OR51B5: variants seen among roughly 807,000 people sequenced by gnomAD.
The protein encoded by OR51B5 is olfactory receptor 51B5.
For synonymous variants in OR51B5, 186 were observed against 144.8 expected, an observed-to-expected ratio of 1.28 and a Z score of -2.04; for missense variants, 456 against 374.6, an observed-to-expected ratio of 1.22 and a Z score of -1.79.
intron 1 of OR51B5, among the ~76,000 whole-genome samples, chr11:5,405,610 C>A (rs1276383571): frequency 6.6e-6 from 1 of 152,066 alleles, no homozygotes; most frequent in Non-Finnish European, 1.5e-5. Context: ...TTTAAATTGG[C>A]CTTATAATGC....
At chr11:5,423,413 A>C (rs530685442) in intron 1 of OR51B5, among the ~76,000 whole-genome samples, 1 of 152,306 alleles carries the variant, frequency 6.6e-6, no homozygotes, top group African/African-American at 2.4e-5. Flanking sequence ...TGGATTGAGT[A>C]AAGTTCTCTC....
chr11:5,363,351 TGG>T (rs1564922063), intron 1 of OR51B5, among the ~76,000 whole-genome samples: 4 of 23,366 alleles, frequency 1.7e-4, no homozygotes, highest in South Asian at 1.5e-3. Context: ...CAGTTTTTTT[TGG>T]TTTTTGTTTT....
rs201548816 is a variant in OR51B5 at position 5,422,726 on chromosome 11, C to T, written n.85-75816G>A. 13 of 1,613,930 alleles carry T rather than the reference C, an allele frequency of 8.1e-6. No homozygotes were observed. In the South Asian group the frequency reaches 1.4e-4, roughly 18 times the overall value. ...ACTGCCTTTCTGCCACTCCCACCTT[C>T]TCTCTCGCTCCTATTGCCTCCACCA... On this transcript the variant is annotated intron_variant and non_coding_transcript_variant, in intron 1 of 4. Transcript: ENST00000415970.
chr11:5,384,112 C>A (rs544084254), intron 1 of OR51B5, among the ~76,000 whole-genome samples: 85 of 152,270 alleles, frequency 5.6e-4, no homozygotes, highest in South Asian at 3.7e-3. Context: ...AAATGGATTC[C>A]CCACATTCCC....
intron 1 of OR51B5, among the ~76,000 whole-genome samples, chr11:5,484,973 C>A (rs1335034333): frequency 1.3e-5 from 2 of 152,188 alleles, no homozygotes; most frequent in African/African-American, 4.8e-5. Context: ...TTAGCACTTT[C>A]AGATTTGACA....
At chr11:5,466,870 C>T (rs549016836) in intron 1 of OR51B5, among the ~76,000 whole-genome samples, 12 of 152,334 alleles carry the variant, frequency 7.9e-5, no homozygotes, top group South Asian at 2.1e-4. Flanking sequence ...AGCCCCAGAA[C>T]GCCACAGGTT....
chr11:5,435,166 A>C (rs1850575812), intron 1 of OR51B5, among the ~76,000 whole-genome samples: 1 of 152,240 alleles, frequency 6.6e-6, no homozygotes, highest in Admixed American at 6.5e-5. Flanking sequence ...GAGAATGTCC[A>C]TCTTTATACA....
In OR51B5 at chr11:5,390,458, A is replaced by G. The variant is rs921102224; in HGVS notation, n.85-43548T>C. 6 of 1,235,642 alleles carry G rather than the reference A, an allele frequency of 4.9e-6. No individual in the cohort carries two copies. In the East Asian group the frequency reaches 1.5e-4, roughly 32 times the overall value. 76.5% of individuals were successfully genotyped at this position (1,235,642 alleles called of 1,614,324 possible). Reference sequence around the variant, plus strand: ...TGAAAATTTGGAGTATTGAGTATATAGCATGCTCTTAAAGATTTTTTGCCC... The same window carrying G: ...TGAAAATTTGGAGTATTGAGTATATGGCATGCTCTTAAAGATTTTTTGCCC... On this transcript the variant is annotated intron_variant and non_coding_transcript_variant, in intron 1 of 4. Transcript: ENST00000415970.
chr11:5,397,613 C>T (rs1163787989), intron 1 of OR51B5, among the ~76,000 whole-genome samples: 3 of 151,662 alleles, frequency 2.0e-5, no homozygotes, highest in Non-Finnish European at 2.9e-5. Context: ...GGACTGTAAA[C>T]TAGTTCAAAC....
intron 1 of OR51B5, among the ~76,000 whole-genome samples, chr11:5,474,633 T>G (rs1851278012): frequency 6.6e-6 from 1 of 152,236 alleles, no homozygotes; most frequent in African/African-American, 2.4e-5. Context: ...CCCCAGGTAG[T>G]GTTTACTATT....
chr11:5,425,244 A>G (rs1472453), intron 1 of OR51B5, among the ~76,000 whole-genome samples: 74,564 of 151,960 alleles, frequency 0.49, 18,740 homozygotes, highest in Non-Finnish European at 0.54. Context: ...AATTTTTGTC[A>G]ATGTACAGGC....
intron 1 of OR51B5, among the ~76,000 whole-genome samples, chr11:5,447,333 G>T (rs777307294): frequency 6.6e-6 from 1 of 152,146 alleles, no homozygotes; most frequent in Non-Finnish European, 1.5e-5. Context: ...CTCAGACAGA[G>T]TCTCTAGTGT....
At chr11:5,430,211 C>G (rs1850514895) in intron 1 of OR51B5, among the ~76,000 whole-genome samples, 1 of 151,280 alleles carries the variant, frequency 6.6e-6, no homozygotes, top group African/African-American at 2.4e-5. Context: ...AGACATGTTC[C>G]TAGGATAATA....
intron 1 of OR51B5, among the ~76,000 whole-genome samples, chr11:5,457,488 T>C (rs754898578): frequency 5.3e-5 from 8 of 152,182 alleles, no homozygotes; most frequent in Non-Finnish European, 1.2e-4. Context: ...TTTGGGTATA[T>C]AGTAATAGGA....
intron 1 of OR51B5, among the ~76,000 whole-genome samples, chr11:5,365,189 T>G (rs1346866903): frequency 6.6e-6 from 1 of 152,200 alleles, no homozygotes; most frequent in Non-Finnish European, 1.5e-5. Flanking sequence ...AGTGTAGGGC[T>G]GGCAACTGTG....
chr11:5,367,705 T>A (rs891276454), intron 1 of OR51B5, among the ~76,000 whole-genome samples: 3 of 152,178 alleles, frequency 2.0e-5, no homozygotes, highest in Non-Finnish European at 4.4e-5. Context: ...TACAGCCCAG[T>A]AGGTCTCAGC....
intron 1 of OR51B5, among the ~76,000 whole-genome samples, chr11:5,358,661 G>C (rs1849231697): frequency 6.6e-6 from 1 of 152,002 alleles, no homozygotes; most frequent in African/African-American, 2.4e-5. Context: ...GCATCATCCT[G>C]ATACCAAAGC....
At chr11:5,368,469 T>TAG (rs1849406585) in intron 1 of OR51B5, among the ~76,000 whole-genome samples, 2 of 152,194 alleles carry the variant, frequency 1.3e-5, no homozygotes, top group Non-Finnish European at 2.9e-5. Flanking sequence ...ATTGCTATTA[T>TAG]TACTATAATC....
At chr11:5,470,768 C>T (rs984575891) in intron 1 of OR51B5, among the ~76,000 whole-genome samples, 1 of 152,150 alleles carries the variant, frequency 6.6e-6, no homozygotes, top group South Asian at 2.1e-4. Flanking sequence ...CCATCGTAAA[C>T]GCTGGTTTCC....
Sources: allele counts gnomAD v4.1 joint callset (sites outside exome capture counted in the v4.1 genomes callset), GRCh38; gene constraint gnomAD v4.1.1; transcripts MANE v1.5; gene names NCBI Gene and HGNC (gene_info 2026-07-23, HGNC 2026-07-21).